Variants in NTM observed in about 807,000 individuals in gnomAD.
The protein encoded by NTM is IgLON family member 2.
Under a neutral mutation model 42.1 loss-of-function variants are expected in NTM, and 13 were observed. That is an observed-to-expected ratio of 0.31 (90% confidence interval 0.20 to 0.49). The LOEUF is 0.49. NTM is among the 20% of genes least tolerant of loss of function. The pLI, the probability that NTM is intolerant of heterozygous loss-of-function variation, is 0.99. For missense variants in NTM, 373 were observed against 452.8 expected (o/e 0.82, Z 1.60); for synonymous variants, 187 against 179.2 (o/e 1.04, Z -0.35).
chr11:132,210,218 T>G (rs1335496825), intron 3 of NTM, among the ~76,000 whole-genome samples: 1 of 152,140 alleles, frequency 6.6e-6, no homozygotes, highest in African/African-American at 2.4e-5. Flanking sequence ...GGAATAGTTA[T>G]TCAAGGAAAG....
intron 1 of NTM, among the ~76,000 whole-genome samples, chr11:131,455,203 A>G (rs1309331898): frequency 6.6e-6 from 1 of 152,178 alleles, no homozygotes; most frequent in Admixed American, 6.5e-5. Flanking sequence ...GAAATCTGCA[A>G]CTGTAATGCA....
intron 4 of NTM, among the ~76,000 whole-genome samples, chr11:132,215,432 C>T (rs542723785): frequency 2.6e-4 from 40 of 151,960 alleles, no homozygotes; most frequent in African/African-American, 9.2e-4. Context: ...TTAAATTGTG[C>T]ATTTCTAGTC....
intron 1 of NTM, chr11:131,910,919 C>A: frequency 1.0e-6 from 1 of 987,042 alleles, no homozygotes. Context: ...GTCTCCTCCG[C>A]GCGCCACCCC....
intron 1 of NTM, among the ~76,000 whole-genome samples, chr11:131,515,277 T>C (rs2048752706): frequency 1.3e-5 from 2 of 152,246 alleles, no homozygotes; most frequent in South Asian, 4.2e-4. Context: ...ACCCACAGTG[T>C]TTGCAAGGCT....
rs142938369 is a variant in NTM at position 132,172,092 on chromosome 11, C to T, written c.400+25578C>T. Among the ~76,000 whole-genome samples the T allele has an allele frequency of 6.8e-3, 1,031 of 152,292 alleles. 10 individuals are homozygous for T. The highest frequency in any genetic ancestry group is 0.023 in the African/African-American group (956 of 41,580). ...CATAGCAGAACAACAAGTCAGACTG[C>T]CTTCATTTGAGTTAAGTGACCAAAA... On this transcript the variant is annotated intron_variant, in intron 3 of 8. Coordinates refer to ENST00000683400, the MANE Select transcript of NTM (RefSeq NM_001352005.2).
intron 1 of NTM, among the ~76,000 whole-genome samples, chr11:131,527,562 G>C (rs956160233): frequency 2.6e-5 from 4 of 152,198 alleles, no homozygotes; most frequent in Admixed American, 6.5e-5. Flanking sequence ...GTTGGGGATA[G>C]AGAAGGAGGA....
intron 2 of NTM, among the ~76,000 whole-genome samples, chr11:131,971,896 A>AG (rs2063584942): frequency 1.3e-5 from 2 of 151,724 alleles, no homozygotes; most frequent in African/African-American, 4.8e-5. Context: ...TACAAAAAAA[A>AG]TTAGCCGAGT....
chr11:131,395,937 G>T (rs571485096), intron 1 of NTM, among the ~76,000 whole-genome samples: 1 of 152,276 alleles, frequency 6.6e-6, no homozygotes, highest in South Asian at 2.1e-4. Context: ...GCCTCCCAAG[G>T]CTCAAGCAAC....
At chr11:131,829,661 C>A (rs542245462) in intron 1 of NTM, among the ~76,000 whole-genome samples, 3 of 152,218 alleles carry the variant, frequency 2.0e-5, no homozygotes, top group East Asian at 1.9e-4. Context: ...GTGAATGCAA[C>A]TTTTTGGTAG....
intron 2 of NTM, among the ~76,000 whole-genome samples, chr11:132,041,985 G>A (rs1288182584): frequency 6.6e-6 from 1 of 152,188 alleles, no homozygotes; most frequent in Non-Finnish European, 1.5e-5. Context: ...TTATCACTTA[G>A]ATTTCCAACC....
chr11:132,009,160 T>G (rs1185334359), intron 2 of NTM, among the ~76,000 whole-genome samples: 1 of 152,184 alleles, frequency 6.6e-6, no homozygotes, highest in Non-Finnish European at 1.5e-5. Flanking sequence ...AAAGCTACAA[T>G]TGGAAACCTG....
At chr11:131,423,287 C>T (rs1005945960) in intron 1 of NTM, among the ~76,000 whole-genome samples, 3 of 152,176 alleles carry the variant, frequency 2.0e-5, no homozygotes, top group Non-Finnish European at 2.9e-5. Context: ...AACAAGTTGC[C>T]TAAGATCTCA....
intron 1 of NTM, among the ~76,000 whole-genome samples, chr11:131,376,654 G>A (rs140292626): frequency 1.4e-5 from 2 of 144,712 alleles, no homozygotes; most frequent in East Asian, 2.0e-4. Context: ...GACATCTTAG[G>A]TTACTAAATT....
chr11:132,324,890 G>A (rs2136334610), intron 7 of NTM, among the ~76,000 whole-genome samples: 1 of 151,126 alleles, frequency 6.6e-6, no homozygotes, highest in Non-Finnish European at 1.5e-5. Context: ...TCTGATCTTT[G>A]ACAAACCTGA....
intron 2 of NTM, among the ~76,000 whole-genome samples, chr11:132,108,665 G>A (rs1277774041): frequency 6.6e-6 from 1 of 151,762 alleles, no homozygotes. Context: ...ACCTGTCCCC[G>A]AAAAACCTAT....
At chr11:131,994,679 A>G (rs1424535332) in intron 2 of NTM, among the ~76,000 whole-genome samples, 2 of 152,018 alleles carry the variant, frequency 1.3e-5, no homozygotes, top group African/African-American at 2.4e-5. Context: ...ACCTAGGACT[A>G]TTTCATCCCA....
At chr11:131,725,888 T>A (rs562903854) in intron 1 of NTM, among the ~76,000 whole-genome samples, 50 of 151,952 alleles carry the variant, frequency 3.3e-4, no homozygotes, top group Admixed American at 1.5e-3. Context: ...GACCACTGAG[T>A]GTTGAGGCCT....
At chr11:131,605,376 G>T (rs112520444) in intron 1 of NTM, among the ~76,000 whole-genome samples, 2 of 152,132 alleles carry the variant, frequency 1.3e-5, no homozygotes, top group South Asian at 2.1e-4. Flanking sequence ...GTGTAGAAAA[G>T]TGTGATTTAT....
chr11:131,689,558 C>T lies in NTM; in HGVS notation c.83-222006C>T, dbSNP rs552702937. ...TTTCCCCACAGATGTTGCTTTTGGC[C>T]CCATTGCCCTGGAAGCACTCAGTCC... On this transcript the variant is annotated intron_variant, in intron 1 of 8. Transcript: ENST00000683400. Among the ~76,000 whole-genome samples the T allele has an allele frequency of 6.2e-4, 94 of 152,312 alleles. 1 individual carries two copies. The highest frequency in any genetic ancestry group is 2.2e-3 in the African/African-American group (91 of 41,576).
Sources: gnomAD v4.1 joint callset for allele counts (sites outside exome capture counted in the v4.1 genomes callset) on GRCh38, gnomAD v4.1.1 for gene constraint, MANE v1.5 for transcripts, NCBI Gene and HGNC (gene_info 2026-07-23, HGNC 2026-07-21) for gene names.